The following MAD1L1 variants were observed in gnomAD, a reference collection of about 807,000 sequenced individuals.
The protein encoded by MAD1L1 is mitotic spindle assembly checkpoint protein MAD1.
In MAD1L1, 95 loss-of-function variants were observed where a neutral mutation model predicts 96.9. The ratio of observed to expected loss-of-function variants is 0.98; its 90% CI spans 0.83 to 1.16. The LOEUF is 1.16. MAD1L1 is among the 50% of genes most tolerant of loss of function. MAD1L1 has a pLI of 0.00. For missense variants in MAD1L1, 1,007 were observed against 954.4 expected (o/e 1.06, Z -0.73); for synonymous variants, 473 against 396.6 (o/e 1.19, Z -2.29).
chr7:1,915,810 G>C (rs114335879), intron 17 of MAD1L1, among the ~76,000 whole-genome samples: 1 of 152,176 alleles, frequency 6.6e-6, no homozygotes, highest in African/African-American at 2.4e-5. Flanking sequence ...CAGAACCAGC[G>C]GGATAAGGGG....
At chr7:2,107,021 C>T (rs1038100331) in intron 11 of MAD1L1, among the ~76,000 whole-genome samples, 3 of 152,254 alleles carry the variant, frequency 2.0e-5, no homozygotes, top group African/African-American at 7.2e-5. Context: ...GGCCCGGCCC[C>T]ACAGCCTGGC....
intron 17 of MAD1L1, 23 bp from the exon 18 acceptor site, chr7:1,898,413 C>G (rs1243496729): frequency 1.2e-6 from 2 of 1,608,428 alleles, no homozygotes; most frequent in Non-Finnish European, 1.7e-6. Flanking sequence ...CGGAAGGAGA[C>G]AGTGAGTGCG....
intron 7 of MAD1L1, among the ~76,000 whole-genome samples, chr7:2,217,033 G>T (rs952519826): frequency 3.9e-5 from 6 of 152,092 alleles, no homozygotes; most frequent in African/African-American, 1.4e-4. Flanking sequence ...CCTGCCCTCG[G>T]GGAGCTCTCC....
intron 18 of MAD1L1, among the ~76,000 whole-genome samples, chr7:1,871,667 T>TA (rs1291587334): frequency 2.1e-5 from 3 of 143,766 alleles, no homozygotes; most frequent in Non-Finnish European, 3.0e-5. Context: ...GAACCCAACA[T>TA]ACGCCTGCCA....
chr7:2,157,611 G>T (rs1024170635), intron 10 of MAD1L1, among the ~76,000 whole-genome samples: 1 of 152,192 alleles, frequency 6.6e-6, no homozygotes, highest in Non-Finnish European at 1.5e-5. Context: ...TGGGACTCAG[G>T]AACCCGGCTT....
Position 1,843,174 on chromosome 7 carries a change from G to A in MAD1L1, c.1999-26946C>T, listed in dbSNP as rs566968484. On this transcript the variant is annotated intron_variant, in intron 18 of 18. Transcript: ENST00000265854. ...GTGTAATTAGGGTCTGGGTGCCCTC[G>A]TTGCCCTACTCCTCTGAAAGCGAGC... Among the ~76,000 whole-genome samples the A allele has an allele frequency of 5.3e-5, 8 of 152,264 alleles. No homozygotes were observed. The East Asian group carries it at 1.2e-3, about 22-fold the overall frequency.
chr7:2,224,153 C>G (rs1793757349), intron 4 of MAD1L1, among the ~76,000 whole-genome samples: 1 of 152,280 alleles, frequency 6.6e-6, no homozygotes, highest in East Asian at 1.9e-4. Context: ...GGGCCCTGCC[C>G]TCAGGGACTC....
At chr7:2,027,822 G>A (rs1783051835) in intron 12 of MAD1L1, among the ~76,000 whole-genome samples, 1 of 152,202 alleles carries the variant, frequency 6.6e-6, no homozygotes, top group African/African-American at 2.4e-5. Flanking sequence ...CCAGCTATCA[G>A]CATGTCTGTC....
intron 11 of MAD1L1, among the ~76,000 whole-genome samples, chr7:2,102,056 A>G (rs1786805972): frequency 6.6e-6 from 1 of 151,994 alleles, no homozygotes; most frequent in Admixed American, 6.5e-5. Flanking sequence ...CCAGCAGAAG[A>G]GGCTGAGAGC....
intron 10 of MAD1L1, among the ~76,000 whole-genome samples, chr7:2,199,840 C>A (rs1792188650): frequency 6.6e-6 from 1 of 152,248 alleles, no homozygotes; most frequent in Admixed American, 6.5e-5. Context: ...CTTCCCAACG[C>A]CATGCTGGCC....
chr7:1,893,211 G>A (rs1024444863), intron 18 of MAD1L1, among the ~76,000 whole-genome samples: 17 of 152,194 alleles, frequency 1.1e-4, no homozygotes, highest in African/African-American at 4.1e-4. Context: ...AGCCCAGGCA[G>A]CCAGCTCCCT....
intron 18 of MAD1L1, among the ~76,000 whole-genome samples, chr7:1,885,586 G>C (rs1015087745): frequency 1.3e-5 from 2 of 152,162 alleles, no homozygotes; most frequent in Admixed American, 1.3e-4. Flanking sequence ...CCTGCTTCCT[G>C]AGTGGCCCTG....
intron 12 of MAD1L1, among the ~76,000 whole-genome samples, chr7:2,068,590 CTGG>C (rs1784985899): frequency 6.6e-6 from 1 of 152,210 alleles, no homozygotes; most frequent in South Asian, 2.1e-4. Context: ...CAGAGAGCAT[CTGG>C]GGACAGATTG....
chr7:2,071,800 C>T (rs536282391), intron 11 of MAD1L1, among the ~76,000 whole-genome samples: 2 of 152,082 alleles, frequency 1.3e-5, no homozygotes, highest in Admixed American at 1.3e-4. Flanking sequence ...AAAGGTTTTC[C>T]ACCAGAGCTA....
intron 11 of MAD1L1, among the ~76,000 whole-genome samples, chr7:2,082,098 G>A (rs1380022216): frequency 1.3e-5 from 2 of 152,170 alleles, no homozygotes; most frequent in Admixed American, 6.5e-5. Context: ...AGCAGAGACC[G>A]AGGAATAAAG....
chr7:1,901,266 T>G (rs947952250), intron 17 of MAD1L1, among the ~76,000 whole-genome samples: 24 of 152,196 alleles, frequency 1.6e-4, no homozygotes, highest in Non-Finnish European at 1.5e-5. Flanking sequence ...TTGGATTAAA[T>G]AAATAAAAGA....
At chr7:1,870,097 C>A (rs902033998) in intron 18 of MAD1L1, among the ~76,000 whole-genome samples, 8 of 152,096 alleles carry the variant, frequency 5.3e-5, no homozygotes, top group African/African-American at 1.9e-4. Context: ...GAGTGACTGA[C>A]CCCAGATGCG....
At chr7:2,074,322 C>A (rs544644915) in intron 11 of MAD1L1, among the ~76,000 whole-genome samples, 1 of 151,828 alleles carries the variant, frequency 6.6e-6, no homozygotes, top group South Asian at 2.1e-4. Flanking sequence ...GACCCTCAGG[C>A]GCCAAGGACG....
At chr7:1,962,428 G>A (rs1314568795) in intron 15 of MAD1L1, among the ~76,000 whole-genome samples, 2 of 152,064 alleles carry the variant, frequency 1.3e-5, no homozygotes, top group East Asian at 1.9e-4. Flanking sequence ...ATATCCAAAG[G>A]ATCATATATA....
Sources: gnomAD v4.1 joint callset for allele counts (sites outside exome capture counted in the v4.1 genomes callset) on GRCh38, gnomAD v4.1.1 for gene constraint, MANE v1.5 for transcripts, NCBI Gene and HGNC (gene_info 2026-07-23, HGNC 2026-07-21) for gene names.